PCDHA1: variants seen among roughly 807,000 people sequenced by gnomAD.
PCDHA1 encodes the protein protocadherin alpha-1.
Under a neutral mutation model 61.3 loss-of-function variants are expected in PCDHA1, and 42 were observed. The observed-to-expected ratio is 0.69, with a 90% CI of 0.54 to 0.89. PCDHA1 has a LOEUF of 0.89. Among genes scored for constraint, PCDHA1 ranks in the 40% least tolerant of loss-of-function variants. The pLI, the probability that PCDHA1 is intolerant of heterozygous loss-of-function variation, is 0.00. For missense variants in PCDHA1, 1,256 were observed against 1,235.3 expected, an observed-to-expected ratio of 1.02 and a Z score of -0.25; for synonymous variants, 610 against 553.8, an observed-to-expected ratio of 1.10 and a Z score of -1.43.
intron 1 of PCDHA1, chr5:140,860,150 T>G (rs868970469): frequency 6.7e-6 from 1 of 150,164 alleles, no homozygotes; most frequent in Non-Finnish European, 1.5e-5. Flanking sequence ...TATGTATATA[T>G]GTGTATATAT....
At chr5:140,833,066 C>T (rs2150205911) in intron 1 of PCDHA1, among the ~76,000 whole-genome samples, 8 of 152,126 alleles carry the variant, frequency 5.3e-5, no homozygotes, top group Non-Finnish European at 8.8e-5. Context: ...TGAGAAAAAC[C>T]TTTTGTATAA....
intron 1 of PCDHA1, chr5:140,821,697 A>G: frequency 7.1e-7 from 1 of 1,400,570 alleles, no homozygotes; most frequent in East Asian, 2.3e-5. Context: ...TAAAAAATAT[A>G]TAGTTAATTG....
intron 1 of PCDHA1, chr5:140,850,435 T>G: frequency 1.3e-6 from 2 of 1,597,644 alleles, no homozygotes; most frequent in Middle Eastern, 1.7e-4. Flanking sequence ...CGCCAGCGCC[T>G]ACTGGTGCTG....
chr5:140,878,517 G>T (rs2153361711), intron 1 of PCDHA1, among the ~76,000 whole-genome samples: 1 of 152,246 alleles, frequency 6.6e-6, no homozygotes, highest in African/African-American at 2.4e-5. Context: ...AGTACAGTTG[G>T]TAACCAACTG....
At chr5:140,894,405 CT>C (rs1198263353) in intron 1 of PCDHA1, among the ~76,000 whole-genome samples, 2 of 151,926 alleles carry the variant, frequency 1.3e-5, no homozygotes, top group African/African-American at 4.8e-5. Context: ...CTTTGCTTTT[CT>C]TTTGTAGCTA....
At chr5:141,000,595 T>G (rs1438785385) in intron 3 of PCDHA1, among the ~76,000 whole-genome samples, 1 of 150,924 alleles carries the variant, frequency 6.6e-6, no homozygotes, top group African/African-American at 2.4e-5. Context: ...GCCCAGCTAA[T>G]TTTTGTATTT....
intron 1 of PCDHA1, chr5:140,814,443 T>A (rs2126655227): frequency 2.0e-5 from 3 of 150,026 alleles, no homozygotes; most frequent in Non-Finnish European, 2.9e-5. Flanking sequence ...TGTGGTGACC[T>A]TTTTTCTTTT....
chr5:140,988,827 G>A (rs1554250450), intron 3 of PCDHA1: 1 of 152,132 alleles, frequency 6.6e-6, no homozygotes, highest in African/African-American at 2.4e-5. Flanking sequence ...CCCAAACAGA[G>A]ATCACGTGTC....
At chr5:140,805,691 T>C in intron 1 of PCDHA1, 1 of 660,614 alleles carries the variant, frequency 1.5e-6, no homozygotes, top group Non-Finnish European at 1.9e-6. Flanking sequence ...AAGATCATGA[T>C]TACCAAGAAT....
chr5:140,816,271 A>G (rs1765874884), intron 1 of PCDHA1: 1 of 152,096 alleles, frequency 6.6e-6, no homozygotes, highest in Non-Finnish European at 1.5e-5. Flanking sequence ...TCATTCTTCT[A>G]CTTGATTAAG....
intron 1 of PCDHA1, chr5:140,824,063 C>T (rs2150131874): frequency 1.2e-6 from 2 of 1,614,096 alleles, no homozygotes; most frequent in Non-Finnish European, 8.5e-7. Flanking sequence ...GGGGAAGCTC[C>T]ACCCAAAACA....
chr5:140,904,150 C>A (rs1005130566), intron 1 of PCDHA1, among the ~76,000 whole-genome samples: 1 of 152,036 alleles, frequency 6.6e-6, no homozygotes, highest in African/African-American at 2.4e-5. Flanking sequence ...GTATACATTG[C>A]ACCCAGTTTG....
chr5:141,000,421 ATTTTT>A (rs34755515), intron 3 of PCDHA1, among the ~76,000 whole-genome samples: 89 of 27,938 alleles, frequency 3.2e-3, no homozygotes, highest in East Asian at 4.2e-3. Flanking sequence ...ATATATATAT[ATTTTT>A]TTTTTTTTTT....
chr5:140,795,470 CCTA>C (rs1554119449), intron 1 of PCDHA1: 2 of 1,614,020 alleles, frequency 1.2e-6, no homozygotes, highest in Admixed American at 3.3e-5. Flanking sequence ...GCTCTTCTCT[CCTA>C]CAAGCTCAGC....
intron 2 of PCDHA1, among the ~76,000 whole-genome samples, chr5:140,980,721 A>G (rs1219290542): frequency 3.9e-5 from 6 of 152,202 alleles, no homozygotes; most frequent in African/African-American, 1.2e-4. Flanking sequence ...TTCGGGTTTC[A>G]ATTAAGATAT....
chr5:140,979,006 A>G lies in PCDHA1; in HGVS notation c.2452A>G (p.Ser818Gly), dbSNP rs149397164. ...TGCCTCCCTGAGAGCAGGCATGCAC[A>G]GGTATGTATTTCCCTCCTCATTCAC... ...YSASLRAGMH[S>G]SVHLEEAGIL... Residue 818 changes from serine (S) to glycine (G), a missense_variant and splice_region_variant, in exon 2 of 4, where the codon AGC becomes GGC. Ser to Gly is a moderately conservative substitution (Grantham distance 56). Coordinates refer to ENST00000504120, the MANE Select transcript of PCDHA1 (RefSeq NM_018900.4). The G allele has an allele frequency of 4.3e-6, 7 of 1,614,000 alleles. No individual in the cohort carries two copies. The highest frequency in any genetic ancestry group is 5.1e-6 in the Non-Finnish European group (6 of 1,179,938).
chr5:140,806,311 C>G (rs1763716271), intron 1 of PCDHA1, among the ~76,000 whole-genome samples: 1 of 152,120 alleles, frequency 6.6e-6, no homozygotes, highest in South Asian at 2.1e-4. Context: ...AAAATAGAAG[C>G]TTAGGCACAT....
intron 1 of PCDHA1, chr5:140,929,130 A>C (rs1554206719): frequency 1.2e-6 from 2 of 1,614,168 alleles, no homozygotes; most frequent in Non-Finnish European, 1.7e-6. Flanking sequence ...ATGTCACTAC[A>C]GTTGAGAGAC....
chr5:140,889,434 G>T (rs1349291699), intron 1 of PCDHA1, among the ~76,000 whole-genome samples: 1 of 151,774 alleles, frequency 6.6e-6, no homozygotes, highest in African/African-American at 2.4e-5. Context: ...ATTTTTTCAG[G>T]TATTTTCCTG....
Sources: allele counts gnomAD v4.1 joint callset (sites outside exome capture counted in the v4.1 genomes callset), GRCh38; gene constraint gnomAD v4.1.1; transcripts MANE v1.5; gene names NCBI Gene and HGNC (gene_info 2026-07-23, HGNC 2026-07-21).